The following PDE8A variants were observed in gnomAD, a reference collection of about 807,000 sequenced individuals.
The protein encoded by PDE8A is phosphodiesterase 8A.
PDE8A carries 59 observed loss-of-function variants against 105.0 expected under a neutral mutation model. The ratio of observed to expected loss-of-function variants is 0.56; its 90% CI spans 0.46 to 0.70. The LOEUF is 0.70. Ranked by LOEUF, PDE8A falls within the 30% of genes least tolerant of loss-of-function variation. The pLI, the probability that PDE8A is intolerant of heterozygous loss-of-function variation, is 0.00. For missense variants in PDE8A, 1,014 were observed against 1,045.9 expected (o/e 0.97, Z 0.42); for synonymous variants, 355 against 371.9 (o/e 0.95, Z 0.52).
At chr15:85,028,614 A>G (rs1315745066) in intron 1 of PDE8A, among the ~76,000 whole-genome samples, 1 of 152,166 alleles carries the variant, frequency 6.6e-6, no homozygotes, top group African/African-American at 2.4e-5. Context: ...TATTCCTTGT[A>G]TTTCGCAATT....
intron 18 of PDE8A, 123 bp downstream of exon 18, chr15:85,121,137 G>A (rs1034557699): frequency 4.4e-5 from 28 of 631,606 alleles, no homozygotes; most frequent in South Asian, 2.2e-5. Context: ...ACAGTGGGCC[G>A]GACATAGTGG....
rs571323473 is a variant in PDE8A at position 85,081,939 on chromosome 15, TCCCTCCACAGCCCTCACATC to T, written c.547-1594_547-1575del. On this transcript the variant is annotated intron_variant, in intron 5 of 21. Coordinates refer to ENST00000394553, the MANE Select transcript of PDE8A (RefSeq NM_002605.3). ...TTTGTGGAAATGGATAAATACACATTCCCTCCACAGCCCTCACATCCCCTCCACAGCCCTCACATCCCAGA... is the reference window on the plus strand; with the variant it reads ...TTTGTGGAAATGGATAAATACACATTCCCTCCACAGCCCTCACATCCCAGA... 1.4e-3 allele frequency among the ~76,000 whole-genome samples: 213 copies of T among 152,002 alleles called. 2 individuals are homozygous for T. The South Asian group carries it at 0.024, about 17-fold the overall frequency.
At chr15:85,031,957 A>G (rs912423293) in intron 1 of PDE8A, among the ~76,000 whole-genome samples, 2 of 152,214 alleles carry the variant, frequency 1.3e-5, no homozygotes, top group Non-Finnish European at 2.9e-5. Context: ...AATAACATTC[A>G]CTTAGGAGTT....
intron 9 of PDE8A, among the ~76,000 whole-genome samples, chr15:85,099,420 T>G (rs2081818823): frequency 6.6e-6 from 1 of 152,244 alleles, no homozygotes; most frequent in African/African-American, 2.4e-5. Flanking sequence ...GTTCTGATTC[T>G]TTGCCCTTTT....
intron 3 of PDE8A, among the ~76,000 whole-genome samples, chr15:85,071,953 G>T (rs2081317258): frequency 6.6e-6 from 1 of 152,080 alleles, no homozygotes; most frequent in Non-Finnish European, 1.5e-5. Context: ...AGTATTTCTT[G>T]GTGCAACAGG....
chr15:84,996,708 C>T (rs760287623), intron 1 of PDE8A, among the ~76,000 whole-genome samples: 9 of 150,720 alleles, frequency 6.0e-5, no homozygotes, highest in South Asian at 2.1e-4. Context: ...TGCCTGTAAT[C>T]GCAGCTACTC....
chr15:85,051,718 GT>G (rs1196972783), intron 1 of PDE8A, among the ~76,000 whole-genome samples: 67 of 152,182 alleles, frequency 4.4e-4, no homozygotes, highest in African/African-American at 1.6e-3. Context: ...ACAGTGTTTG[GT>G]TTTCTGTGCC....
intron 1 of PDE8A, among the ~76,000 whole-genome samples, chr15:84,996,859 A>G (rs562768969): frequency 1.3e-3 from 175 of 136,946 alleles, no homozygotes; most frequent in Non-Finnish European, 2.0e-3. Context: ...AAGGTGGTAC[A>G]CTTATATAAG....
At chr15:85,012,838 C>T (rs942228495) in intron 1 of PDE8A, among the ~76,000 whole-genome samples, 1 of 151,826 alleles carries the variant, frequency 6.6e-6, no homozygotes, top group African/African-American at 2.4e-5. Context: ...TTATATAATA[C>T]CCAGTTATAC....
chr15:85,119,261 G>A (rs1474531243), intron 17 of PDE8A, among the ~76,000 whole-genome samples: 1 of 151,868 alleles, frequency 6.6e-6, no homozygotes, highest in Non-Finnish European at 1.5e-5. Context: ...GATGGATCAG[G>A]AATTCGAGAC....
At position 85,089,427 on chromosome 15, in the gene PDE8A, T is replaced by C. The variant is rs2081605507; in HGVS notation, c.714+11T>C. 6.8e-7 allele frequency: 1 copy of C among 1,477,062 alleles called. No homozygotes were observed. Among genetic ancestry groups the C allele is most frequent in the Admixed American group, 1.8e-5 (1 of 56,568 alleles). 91.5% of individuals were successfully genotyped at this position (1,477,062 alleles called of 1,614,324 possible). A position where few individuals can be genotyped will look rare whatever the true frequency, so the allele number is the denominator to read the frequency against. The stretch of plus-strand genomic sequence containing the variant: ...GACCGTTTTATACAGGTTTGTTATT[T>C]TGGAAATCTGTCTTTCTGGATTTCT... On this transcript the variant is annotated intron_variant, in intron 7 of 21. Transcript: ENST00000394553.
At chr15:85,096,761 C>G (rs1360092195) in intron 8 of PDE8A, among the ~76,000 whole-genome samples, 1 of 152,188 alleles carries the variant, frequency 6.6e-6, no homozygotes, top group Non-Finnish European at 1.5e-5. Flanking sequence ...CCAGTGTGAC[C>G]TAAGGACTCA....
At chr15:85,097,795 G>C (rs999999404) in intron 8 of PDE8A, 153 bp from the exon 9 acceptor site, 4 of 601,820 alleles carry the variant, frequency 6.6e-6, no homozygotes, top group Non-Finnish European at 1.2e-5. Context: ...AGTTAAGAAA[G>C]AATTGTCCTA....
chr15:85,110,035 T>C (rs1054100823), intron 12 of PDE8A, among the ~76,000 whole-genome samples: 2 of 152,208 alleles, frequency 1.3e-5, no homozygotes, highest in African/African-American at 4.8e-5. Context: ...CATTGCCTTA[T>C]CTGTAAAGTG....
rs371252399 is a variant in PDE8A, at chr15:85,116,122, G to A, written c.1535+3G>A. On this transcript the variant is annotated splice_donor_region_variant and intron_variant, in intron 16 of 21. Transcript: ENST00000394553. ...CTGGAGGCTGCCACCCACAATAGGT[G>A]AGTTCATGCAGAGCTCAGCAGCGGG... 17 of 1,613,852 alleles carry A rather than the reference G, an allele frequency of 1.1e-5. No homozygotes were observed. In the African/African-American group the frequency reaches 2.3e-4, roughly 22 times the overall value.
chr15:85,012,896 G>T (rs895410255), intron 1 of PDE8A, among the ~76,000 whole-genome samples: 30 of 152,186 alleles, frequency 2.0e-4, no homozygotes, highest in African/African-American at 7.0e-4. Context: ...ATATTGGCTT[G>T]TATAATCACC....
At chr15:85,122,285 A>G (rs2082194538) in intron 18 of PDE8A, among the ~76,000 whole-genome samples, 1 of 152,240 alleles carries the variant, frequency 6.6e-6, no homozygotes, top group Non-Finnish European at 1.5e-5. Context: ...CCTCAGTGCC[A>G]CAGTGCTTGG....
intron 8 of PDE8A, among the ~76,000 whole-genome samples, chr15:85,094,947 T>C (rs1484419988): frequency 6.6e-6 from 1 of 152,186 alleles, no homozygotes; most frequent in Non-Finnish European, 1.5e-5. Context: ...CAGGATTCTA[T>C]AGTTGAACCT....
At chr15:85,020,875 A>G (rs544214526) in intron 1 of PDE8A, among the ~76,000 whole-genome samples, 11 of 152,272 alleles carry the variant, frequency 7.2e-5, no homozygotes, top group African/African-American at 2.2e-4. Context: ...TCTATTATCA[A>G]TACTGTTACC....
Sources: gnomAD v4.1 joint callset for allele counts (sites outside exome capture counted in the v4.1 genomes callset) on GRCh38, gnomAD v4.1.1 for gene constraint, MANE v1.5 for transcripts, NCBI Gene and HGNC (gene_info 2026-07-23, HGNC 2026-07-21) for gene names.